The following EYS variants were observed in gnomAD, a reference collection of about 807,000 sequenced individuals.
The protein encoded by EYS is protein eyes shut homolog.
Under a neutral mutation model 282.1 loss-of-function variants are expected in EYS, and 250 were observed. That is an observed-to-expected ratio of 0.89 (90% CI 0.80 to 0.98). The LOEUF (loss-of-function observed/expected upper bound fraction) is 0.98. Ranked by LOEUF, EYS falls within the 50% of genes least tolerant of loss-of-function variation. The pLI is 0.00. For synonymous variants in EYS, 1,355 were observed against 1,282.9 expected (o/e 1.06, Z -1.20); for missense variants, 4,016 against 3,709.0 (o/e 1.08, Z -2.15).
chr6:63,760,694 A>G (rs1316448841), intron 41 of EYS, among the ~76,000 whole-genome samples: 1 of 143,752 alleles, frequency 7.0e-6, no homozygotes, highest in Admixed American at 7.2e-5. Context: ...CTATCTATCT[A>G]TCTATCTAAT....
intron 12 of EYS, among the ~76,000 whole-genome samples, chr6:65,106,237 C>T (rs1266266171): frequency 1.3e-5 from 2 of 151,864 alleles, no homozygotes; most frequent in Non-Finnish European, 2.9e-5. Context: ...GGTTTATTTC[C>T]TTTCTTTTAA....
intron 22 of EYS, among the ~76,000 whole-genome samples, chr6:64,657,549 G>C (rs7449818): frequency 0.64 from 97,221 of 151,964 alleles, 31,337 homozygotes; most frequent in African/African-American, 0.71. Flanking sequence ...GGGCAGGCCT[G>C]GTGGTGAGAA....
chr6:64,123,002 A>G lies in EYS; in HGVS notation c.6425-41000T>C, dbSNP rs944353818. Among the ~76,000 whole-genome samples, 4 of 152,138 alleles carry G rather than the reference A, an allele frequency of 2.6e-5. No individual in the cohort carries two copies. The South Asian group carries it at 8.3e-4, about 31-fold the overall frequency. ...GTATTGTGGGGGTACAAAGAGTTACAATATCATGAAACTATTGTTTTAAAG... is the reference window on the plus strand; with the variant it reads ...GTATTGTGGGGGTACAAAGAGTTACGATATCATGAAACTATTGTTTTAAAG... On this transcript the variant is annotated intron_variant, in intron 31 of 42. Transcript: ENST00000503581.
intron 31 of EYS, among the ~76,000 whole-genome samples, chr6:64,161,387 A>C (rs1030592258): frequency 2.6e-5 from 4 of 152,188 alleles, no homozygotes; most frequent in Non-Finnish European, 5.9e-5. Flanking sequence ...TTCTCCCATC[A>C]GTAGGAAGCT....
At position 64,432,440 on chromosome 6, in the gene EYS, A is replaced by G. The variant is rs1015520332; in HGVS notation, c.5927+3734T>C. Among the ~76,000 whole-genome samples, 20 of 151,954 alleles carry G rather than the reference A, an allele frequency of 1.3e-4. No individual in the cohort carries two copies. In the East Asian group the frequency reaches 3.9e-3, roughly 29 times the overall value. ...TACCCTTCTTCAAGGACAAGGTAGA[A>G]TTTAAGCGGTGACTTTAAATGGAAA... is the stretch of plus-strand genomic sequence containing the variant. On this transcript the variant is annotated intron_variant, in intron 28 of 42. Transcript: ENST00000503581.
intron 35 of EYS, among the ~76,000 whole-genome samples, chr6:63,973,528 A>G (rs1329133425): frequency 2.0e-5 from 3 of 152,176 alleles, no homozygotes; most frequent in Non-Finnish European, 4.4e-5. Flanking sequence ...TGCCGATTTG[A>G]ACCAATATCT....
intron 28 of EYS, among the ~76,000 whole-genome samples, chr6:64,401,594 A>G (rs1057374871): frequency 6.6e-6 from 1 of 151,980 alleles, no homozygotes; most frequent in African/African-American, 2.4e-5. Context: ...CAATATTTTT[A>G]TCTTAACAAA....
chr6:64,610,365 A>G (rs1377818234), intron 24 of EYS, among the ~76,000 whole-genome samples: 1 of 150,510 alleles, frequency 6.6e-6, no homozygotes, highest in Non-Finnish European at 1.5e-5. Flanking sequence ...TCATTATTTT[A>G]CCATACTCCA....
At chr6:64,981,102 A>G (rs1237080540) in intron 14 of EYS, among the ~76,000 whole-genome samples, 1 of 151,346 alleles carries the variant, frequency 6.6e-6, no homozygotes, top group Non-Finnish European at 1.5e-5. Flanking sequence ...TGGATGAGCA[A>G]TTCATTCCTA....
chr6:64,258,182 A>G (rs1414483963), intron 30 of EYS, among the ~76,000 whole-genome samples: 6 of 152,096 alleles, frequency 3.9e-5, no homozygotes, highest in Non-Finnish European at 8.8e-5. Flanking sequence ...GTAAGCAAAA[A>G]TTAACTTAAT....
intron 9 of EYS, among the ~76,000 whole-genome samples, chr6:65,346,511 A>T (rs563078987): frequency 6.6e-6 from 1 of 151,776 alleles, no homozygotes; most frequent in South Asian, 2.1e-4. Flanking sequence ...ATTCAAACTC[A>T]TTTTGAGATA....
intron 12 of EYS, among the ~76,000 whole-genome samples, chr6:65,134,339 T>C (rs1423365083): frequency 6.6e-6 from 1 of 151,978 alleles, no homozygotes; most frequent in East Asian, 1.9e-4. Flanking sequence ...GGACATAGAA[T>C]CAACCTACAT....
At chr6:64,336,252 AAAAAGACTCACATAAACTT>A (rs1339188540) in intron 29 of EYS, among the ~76,000 whole-genome samples, 2 of 152,114 alleles carry the variant, frequency 1.3e-5, no homozygotes, top group African/African-American at 4.8e-5. Context: ...CACCTAACAC[AAAAAGACTCACATAAACTT>A]AAAGGTGTAG....
chr6:65,618,320 T>C (rs1317736820), intron 2 of EYS, among the ~76,000 whole-genome samples: 1 of 152,270 alleles, frequency 6.6e-6, no homozygotes, highest in African/African-American at 2.4e-5. Context: ...TGAGCATTTT[T>C]TCATGTGTTT....
At chr6:65,449,193 A>G (rs1764311041) in intron 5 of EYS, among the ~76,000 whole-genome samples, 1 of 151,992 alleles carries the variant, frequency 6.6e-6, no homozygotes, top group Non-Finnish European at 1.5e-5. Flanking sequence ...GGTTTCCTTG[A>G]TGTTCTCAAT....
chr6:63,928,520 TTGACTGTG>T (rs1338876221), intron 35 of EYS, among the ~76,000 whole-genome samples: 7 of 64,870 alleles, frequency 1.1e-4, no homozygotes, highest in African/African-American at 3.1e-4. Flanking sequence ...TGCTCACCTT[TTGACTGTG>T]TGTGTGTGTG....
chr6:64,464,988 T>C (rs1289850484), intron 26 of EYS, among the ~76,000 whole-genome samples: 1 of 151,818 alleles, frequency 6.6e-6, no homozygotes, highest in South Asian at 2.1e-4. Flanking sequence ...ACAATTCTTG[T>C]TACAAAATAA....
At chr6:64,756,582 T>G (rs1772944126) in intron 22 of EYS, among the ~76,000 whole-genome samples, 1 of 152,192 alleles carries the variant, frequency 6.6e-6, no homozygotes, top group African/African-American at 2.4e-5. Context: ...CCTTTCATGT[T>G]TTAAAGGACA....
intron 11 of EYS, among the ~76,000 whole-genome samples, chr6:65,298,565 TA>T (rs1768728217): frequency 1.3e-5 from 2 of 152,004 alleles, no homozygotes; most frequent in Admixed American, 1.3e-4. Flanking sequence ...CTCGTCTTTT[TA>T]AAATTTGACG....
Sources: gnomAD v4.1 joint callset for allele counts (sites outside exome capture counted in the v4.1 genomes callset) on GRCh38, gnomAD v4.1.1 for gene constraint, MANE v1.5 for transcripts, NCBI Gene and HGNC (gene_info 2026-07-23, HGNC 2026-07-21) for gene names.